ZNF521: variants seen among roughly 807,000 people sequenced by gnomAD.
ZNF521 encodes the protein LYST-interacting protein 3.
In ZNF521, 14 loss-of-function variants were observed where a neutral mutation model predicts 105.5. The observed-to-expected ratio is 0.13, with a 90% CI of 0.09 to 0.21. ZNF521 has a LOEUF of 0.21. Ranked by LOEUF, ZNF521 falls within the 10% of genes least tolerant of loss-of-function variation. The pLI is 1.00. For missense variants in ZNF521, 1,233 were observed against 1,629.7 expected (o/e 0.76, Z 4.19); for synonymous variants, 635 against 606.0 (o/e 1.05, Z -0.70).
intron 7 of ZNF521, among the ~76,000 whole-genome samples, chr18:25,083,816 C>A (rs1330883030): frequency 1.3e-5 from 2 of 151,704 alleles, no homozygotes; most frequent in African/African-American, 4.8e-5. Flanking sequence ...GTCGCCCAGG[C>A]TGGAGTGCAG....
chr18:25,062,657 ACATGTTC>A lies in ZNF521; in HGVS notation c.*48_*54del, dbSNP rs903172894. 1 of 1,582,640 alleles carries A rather than the reference ACATGTTC, an allele frequency of 6.3e-7. No homozygotes were observed. Among genetic ancestry groups the A allele is most frequent in the Non-Finnish European group, 8.6e-7 (1 of 1,167,822 alleles). ...ATGAAAGTTTCGTGCAAAGAGTAAA[ACATGTTC>A]CCTTTTTGTGCCACAAAATCAATTC... On this transcript the variant is annotated 3_prime_UTR_variant, in exon 8 of 8. Coordinates refer to ENST00000361524, the MANE Select transcript of ZNF521 (RefSeq NM_015461.3).
At chr18:25,189,322 T>G (rs2035779427) in intron 5 of ZNF521, among the ~76,000 whole-genome samples, 1 of 152,226 alleles carries the variant, frequency 6.6e-6, no homozygotes, top group South Asian at 2.1e-4. Flanking sequence ...ACATCCTGAA[T>G]TTTTGCTAAA....
intron 5 of ZNF521, among the ~76,000 whole-genome samples, chr18:25,112,100 TG>T (rs1321435150): frequency 6.6e-6 from 1 of 152,300 alleles, no homozygotes; most frequent in Admixed American, 6.5e-5. Context: ...ACATTCAGCC[TG>T]GGGCAAATGG....
intron 5 of ZNF521, among the ~76,000 whole-genome samples, chr18:25,110,359 C>T (rs907681839): frequency 6.6e-6 from 1 of 151,922 alleles, no homozygotes; most frequent in African/African-American, 2.4e-5. Flanking sequence ...TTGCATCCTG[C>T]CTGATCCAAA....
Position 25,264,217 on chromosome 18 carries a change from G to A in ZNF521, c.221-36520C>T, listed in dbSNP as rs117783465. On this transcript the variant is annotated intron_variant, in intron 3 of 7. Transcript: ENST00000361524. ...TGTAGAGCTATGAGGATTAAATGAG[G>A]GGATTAGGATATTCATTCCTGGTAT... is the stretch of plus-strand genomic sequence containing the variant. Among the ~76,000 whole-genome samples the A allele has an allele frequency of 9.8e-3, 1,485 of 152,172 alleles. 10 individuals carry two copies. Among genetic ancestry groups the A allele is most frequent in the Non-Finnish European group, 0.014 (975 of 67,988 alleles).
intron 5 of ZNF521, among the ~76,000 whole-genome samples, chr18:25,147,404 T>C (rs866069917): frequency 1.3e-5 from 2 of 152,116 alleles, no homozygotes; most frequent in Non-Finnish European, 2.9e-5. Flanking sequence ...TTTTCCAAAT[T>C]CCCCTCACAT....
chr18:25,246,061 C>T (rs750778748), intron 3 of ZNF521, among the ~76,000 whole-genome samples: 1 of 151,758 alleles, frequency 6.6e-6, no homozygotes, highest in Non-Finnish European at 1.5e-5. Context: ...GAACATCACA[C>T]ACAAGGGCCT....
chr18:25,123,239 C>T (rs1182046175), intron 5 of ZNF521, among the ~76,000 whole-genome samples: 1 of 151,882 alleles, frequency 6.6e-6, no homozygotes, highest in Non-Finnish European at 1.5e-5. Context: ...GATTCACTTA[C>T]AGACCACATC....
intron 5 of ZNF521, among the ~76,000 whole-genome samples, chr18:25,184,995 C>T (rs988754630): frequency 9.9e-5 from 15 of 152,098 alleles, no homozygotes; most frequent in African/African-American, 3.6e-4. Flanking sequence ...GGGAAACAGG[C>T]TATTTTGTAA....
At chr18:25,239,954 C>T (rs1907193191) in intron 3 of ZNF521, among the ~76,000 whole-genome samples, 1 of 152,106 alleles carries the variant, frequency 6.6e-6, no homozygotes, top group African/African-American at 2.4e-5. Context: ...GTCCCTTTCC[C>T]TCAAGCTCTC....
intron 5 of ZNF521, among the ~76,000 whole-genome samples, chr18:25,162,751 T>C (rs188385845): frequency 1.3e-5 from 2 of 152,290 alleles, no homozygotes; most frequent in African/African-American, 2.4e-5. Context: ...TAGCAGTAAT[T>C]GAAATAAAGT....
At chr18:25,062,852 TAATTCATAATGACTTGAAC>T in intron 7 of ZNF521, 111 bp from the exon 8 acceptor site, 2 of 1,028,518 alleles carry the variant, frequency 1.9e-6, no homozygotes, top group Non-Finnish European at 2.8e-6. Context: ...TACATGTAAT[TAATTCATAATGACTTGAAC>T]AGAACAATGA....
intron 5 of ZNF521, among the ~76,000 whole-genome samples, chr18:25,119,776 AAG>A (rs972457394): frequency 6.6e-6 from 1 of 152,088 alleles, no homozygotes; most frequent in African/African-American, 2.4e-5. Context: ...AAGCTAGAAA[AAG>A]AAGGGTAAAT....
intron 7 of ZNF521, among the ~76,000 whole-genome samples, chr18:25,080,520 C>T (rs1362511174): frequency 8.5e-5 from 13 of 152,192 alleles, no homozygotes; most frequent in African/African-American, 1.4e-4. Flanking sequence ...TTAAAATACA[C>T]GTTTGGCTCT....
intron 2 of ZNF521, among the ~76,000 whole-genome samples, chr18:25,339,825 G>A (rs1224346989): frequency 6.6e-6 from 1 of 152,154 alleles, no homozygotes; most frequent in African/African-American, 2.4e-5. Flanking sequence ...TTTAAGTTAG[G>A]TGGGTCGGAA....
intron 7 of ZNF521, among the ~76,000 whole-genome samples, chr18:25,068,417 C>G (rs2033127133): frequency 6.6e-6 from 1 of 152,174 alleles, no homozygotes; most frequent in South Asian, 2.1e-4. Context: ...GAAGTATATT[C>G]TAGTTCACAT....
At chr18:25,205,863 T>G (rs2036069601) in intron 4 of ZNF521, among the ~76,000 whole-genome samples, 1 of 152,128 alleles carries the variant, frequency 6.6e-6, no homozygotes, top group Non-Finnish European at 1.5e-5. Flanking sequence ...ACAGACAAAT[T>G]TTTTATCTCA....
intron 5 of ZNF521, among the ~76,000 whole-genome samples, chr18:25,153,848 ACAAAGGTTCAC>A (rs1405093061): frequency 6.6e-6 from 1 of 152,168 alleles, no homozygotes; most frequent in African/African-American, 2.4e-5. Flanking sequence ...AAAGGAAGCG[ACAAAGGTTCAC>A]CAGTCGTAAT....
At chr18:25,309,243 C>A (rs867143525) in intron 3 of ZNF521, among the ~76,000 whole-genome samples, 2 of 152,188 alleles carry the variant, frequency 1.3e-5, no homozygotes, top group Non-Finnish European at 2.9e-5. Context: ...GTATCAATAA[C>A]GCCAAGAGAA....
Sources: allele counts gnomAD v4.1 joint callset (sites outside exome capture counted in the v4.1 genomes callset), GRCh38; gene constraint gnomAD v4.1.1; transcripts MANE v1.5; gene names NCBI Gene and HGNC (gene_info 2026-07-23, HGNC 2026-07-21).